Variants in TNKS observed in about 807,000 individuals in gnomAD.
TNKS encodes poly [ADP-ribose] polymerase tankyrase-1.
TNKS carries 72 observed loss-of-function variants against 135.8 expected under a neutral mutation model. That is an observed-to-expected ratio of 0.53 (90% CI 0.44 to 0.64). The LOEUF is 0.64. Among genes scored for constraint, TNKS ranks in the 30% least tolerant of loss-of-function variants. The probability of loss-of-function intolerance (pLI) is 0.00; values close to 1 mark genes in which losing one functional copy is unlikely to be tolerated. For missense variants in TNKS, 1,769 were observed against 1,674.0 expected (o/e 1.06, Z -0.99); for synonymous variants, 849 against 649.3 (o/e 1.31, Z -4.68).
intron 17 of TNKS, among the ~76,000 whole-genome samples, chr8:9,741,310 A>C (rs563483688): frequency 6.6e-6 from 1 of 152,242 alleles, no homozygotes; most frequent in Admixed American, 6.5e-5. Context: ...TAAACTTACT[A>C]TGAGTAGGGA....
intron 3 of TNKS, among the ~76,000 whole-genome samples, chr8:9,619,675 GTCTC>G (rs1037689755): frequency 1.3e-5 from 2 of 152,126 alleles, no homozygotes; most frequent in African/African-American, 2.4e-5. Flanking sequence ...GTAGCCCCCA[GTCTC>G]TCTATAAGGA....
intron 8 of TNKS, among the ~76,000 whole-genome samples, chr8:9,708,074 G>C (rs56188005): frequency 1.1e-3 from 160 of 152,150 alleles, no homozygotes; most frequent in African/African-American, 3.6e-3. Context: ...TATTTAACTG[G>C]TTTCCTTTTG....
intron 23 of TNKS, among the ~76,000 whole-genome samples, chr8:9,765,001 C>G (rs1807349761): frequency 6.6e-6 from 1 of 152,280 alleles, no homozygotes; most frequent in East Asian, 1.9e-4. Flanking sequence ...CTGAAAGCGT[C>G]AAAGCTACAA....
chr8:9,602,887 A>G (rs1799070001), intron 2 of TNKS, among the ~76,000 whole-genome samples: 1 of 152,188 alleles, frequency 6.6e-6, no homozygotes, highest in African/African-American at 2.4e-5. Context: ...TATATTTTAT[A>G]CTTAAAGCAT....
intron 5 of TNKS, among the ~76,000 whole-genome samples, chr8:9,691,750 T>A (rs1803283007): frequency 6.6e-6 from 1 of 152,236 alleles, no homozygotes. Context: ...TTTTAGCTGT[T>A]ATTTTTAATA....
At chr8:9,701,566 A>T (rs1480008666) in intron 5 of TNKS, among the ~76,000 whole-genome samples, 2 of 152,190 alleles carry the variant, frequency 1.3e-5, no homozygotes, top group Non-Finnish European at 2.9e-5. Context: ...AATAAGAGGG[A>T]CTAGATTTAC....
chr8:9,629,849 A>AT (rs1348321036), intron 3 of TNKS, among the ~76,000 whole-genome samples: 1 of 151,880 alleles, frequency 6.6e-6, no homozygotes, highest in Non-Finnish European at 1.5e-5. Context: ...TGCCTGGCTA[A>AT]TTTTTTGTAT....
At chr8:9,588,422 C>T (rs1798468888) in intron 2 of TNKS, among the ~76,000 whole-genome samples, 1 of 152,022 alleles carries the variant, frequency 6.6e-6, no homozygotes, top group Non-Finnish European at 1.5e-5. Context: ...CTACAGGCAC[C>T]CGCCACCACG....
chr8:9,758,074 G>A (rs1189913648), intron 20 of TNKS, among the ~76,000 whole-genome samples: 1 of 152,098 alleles, frequency 6.6e-6, no homozygotes. Context: ...GCTCTTCTGT[G>A]TACTATTTTT....
rs1563149834 is a variant in TNKS, at chr8:9,660,716, A to C, written c.995-19235A>C. On this transcript the variant is annotated intron_variant, in intron 3 of 26. Transcript: ENST00000310430. The stretch of plus-strand genomic sequence containing the variant: ...CTCTCTCACCAGTCCTATTCAACAT[A>C]GTGTTGGAAGTCCTGGCCAGGGCAA... Among the ~76,000 whole-genome samples, 3 of 152,138 alleles carry C rather than the reference A, an allele frequency of 2.0e-5. 1 individual carries two copies. The highest frequency in any genetic ancestry group is 4.4e-5 in the Non-Finnish European group (3 of 68,028).
chr8:9,678,186 T>C (rs1204461838), intron 3 of TNKS, among the ~76,000 whole-genome samples: 2 of 152,336 alleles, frequency 1.3e-5, no homozygotes, highest in East Asian at 3.9e-4. Flanking sequence ...TCTACGAAAT[T>C]AATACATTTT....
At position 9,704,647 on chromosome 8, in the gene TNKS, T is replaced by C; in HGVS notation, c.1108-16T>C. ...TGTTTGTTTTTACCTGAAAAGGGGA[T>C]GTTTTTCTTTTCTAGTCGACTCCTT... On this transcript the variant is annotated splice_polypyrimidine_tract_variant and intron_variant, in intron 5 of 26. Transcript: ENST00000310430. 3 of 1,596,030 alleles carry C rather than the reference T, an allele frequency of 1.9e-6. No individual in the cohort carries two copies. Among genetic ancestry groups the C allele is most frequent in the Non-Finnish European group, 2.6e-6 (3 of 1,166,148 alleles).
intron 15 of TNKS, 97 bp downstream of exon 15, chr8:9,733,541 A>G (rs1271911339): frequency 6.0e-6 from 6 of 996,828 alleles, no homozygotes; most frequent in East Asian, 2.6e-5. Flanking sequence ...ATTAAGAACA[A>G]TACTGCTGTA....
At chr8:9,654,633 T>G (rs1478399485) in intron 3 of TNKS, among the ~76,000 whole-genome samples, 1 of 152,220 alleles carries the variant, frequency 6.6e-6, no homozygotes, top group Non-Finnish European at 1.5e-5. Context: ...CAGGTAAAAT[T>G]CTATTTGTTG....
intron 3 of TNKS, among the ~76,000 whole-genome samples, chr8:9,665,593 G>T (rs1209412271): frequency 6.6e-6 from 1 of 152,188 alleles, no homozygotes; most frequent in Non-Finnish European, 1.5e-5. Flanking sequence ...GATTAGTAGT[G>T]TGTTTGACCT....
rs183881384 is a variant in TNKS, at chr8:9,602,757, C to T, written c.899-12825C>T. On this transcript the variant is annotated intron_variant, in intron 2 of 26. Transcript: ENST00000310430. ...AGCCACATAGAAAAGAAATGTGATA[C>T]CAACTTAATAATGTTTCATTTAACT... is the stretch of plus-strand genomic sequence containing the variant. 4.9e-4 allele frequency among the ~76,000 whole-genome samples: 74 copies of T among 152,288 alleles called. No homozygotes were observed. In the Middle Eastern group the frequency reaches 0.017, roughly 35 times the overall value.
At chr8:9,592,224 C>G (rs1344863482) in intron 2 of TNKS, among the ~76,000 whole-genome samples, 1 of 152,156 alleles carries the variant, frequency 6.6e-6, no homozygotes, top group African/African-American at 2.4e-5. Context: ...CAAACGAAGA[C>G]TTATTAATTC....
Position 9,751,723 on chromosome 8 carries a change from C to T in TNKS, c.2947C>T (p.Pro983Ser), listed in dbSNP as rs200672279. Residue 983 changes from proline to serine, a missense_variant, in exon 19 of 27, where the codon CCC becomes TCC. Around this residue, in one of 5 missense-constraint regions of TNKS, gnomAD observed 722 missense variants for 688.9 expected, o/e 1.05. Transcript: ENST00000310430. The stretch of plus-strand genomic sequence containing the variant: ...CTCTCTGATCTCACCAGCATCCACC[C>T]CCTCCTGCCTCTCGGCTGCCAGCAG... The part of the protein sequence containing the change: ...SASLISPAST[P>S]SCLSAASSID... 3.1e-6 allele frequency: 5 copies of T among 1,614,070 alleles called. No individual in the cohort carries two copies. Among genetic ancestry groups the T allele is most frequent in the Non-Finnish European group, 4.2e-6 (5 of 1,180,038 alleles).
intron 2 of TNKS, among the ~76,000 whole-genome samples, chr8:9,581,491 C>T (rs1018173140): frequency 6.6e-6 from 1 of 152,152 alleles, no homozygotes; most frequent in African/African-American, 2.4e-5. Flanking sequence ...CATAAAACTA[C>T]CTTGAGAAGC....
Sources: gnomAD v4.1 joint callset for allele counts (sites outside exome capture counted in the v4.1 genomes callset) on GRCh38, gnomAD v4.1.1 for gene constraint, gnomAD v4.1.1 regional missense constraint, MANE v1.5 for transcripts, NCBI Gene and HGNC (gene_info 2026-07-23, HGNC 2026-07-21) for gene names.